Variants in OXR1 observed in about 807,000 individuals in gnomAD.
OXR1 encodes oxidation resistance 1, also known as oxidation resistance protein 1.
Under a neutral mutation model 104.6 loss-of-function variants are expected in OXR1, and 41 were observed. The ratio of observed to expected loss-of-function variants is 0.39; its 90% CI spans 0.31 to 0.51. The LOEUF (loss-of-function observed/expected upper bound fraction) is 0.51, where lower values mean the gene tolerates loss of function less well. Ranked by LOEUF, OXR1 falls within the 20% of genes least tolerant of loss-of-function variation. The probability of loss-of-function intolerance (pLI) is 0.77; values close to 1 mark genes in which losing one functional copy is unlikely to be tolerated. For missense variants in OXR1, 955 were observed against 1,031.9 expected, an observed-to-expected ratio of 0.93 and a Z score of 1.02; for synonymous variants, 348 against 348.4, an observed-to-expected ratio of 1.00 and a Z score of 0.01.
At chr8:106,357,867 T>G (rs1816045017) in intron 1 of OXR1, among the ~76,000 whole-genome samples, 1 of 151,986 alleles carries the variant, frequency 6.6e-6, no homozygotes, top group Non-Finnish European at 1.5e-5. Flanking sequence ...ACTTTGGGGG[T>G]CAAGGTCACC....
chr8:106,504,608 G>A (rs1259061196), intron 2 of OXR1, among the ~76,000 whole-genome samples: 8 of 152,110 alleles, frequency 5.3e-5, no homozygotes, highest in Non-Finnish European at 2.9e-5. Context: ...TTACATTACT[G>A]TCACTATAAC....
At chr8:106,329,743 T>G (rs1051736417) in intron 1 of OXR1, among the ~76,000 whole-genome samples, 1 of 152,176 alleles carries the variant, frequency 6.6e-6, no homozygotes, top group African/African-American at 2.4e-5. Context: ...AGCAGTCACA[T>G]GACAGTCTCA....
chr8:106,611,223 G>T (rs1020853239), intron 3 of OXR1, among the ~76,000 whole-genome samples: 1 of 152,198 alleles, frequency 6.6e-6, no homozygotes, highest in Non-Finnish European at 1.5e-5. Context: ...CTGGGGAAGA[G>T]CATTCTAAGA....
At chr8:106,308,675 G>A (rs1417939355) in intron 1 of OXR1, among the ~76,000 whole-genome samples, 1 of 151,882 alleles carries the variant, frequency 6.6e-6, no homozygotes, top group African/African-American at 2.4e-5. Flanking sequence ...TTACATGATC[G>A]CCTATTGATT....
intron 2 of OXR1, among the ~76,000 whole-genome samples, chr8:106,418,687 G>GA (rs1818781925): frequency 2.6e-5 from 4 of 151,654 alleles, no homozygotes; most frequent in Admixed American, 1.3e-4. Context: ...CAAGACAACT[G>GA]AAAAAAAATG....
chr8:106,339,387 G>A (rs576381762), intron 1 of OXR1, among the ~76,000 whole-genome samples: 21 of 149,322 alleles, frequency 1.4e-4, no homozygotes, highest in Admixed American at 1.1e-3. Flanking sequence ...CCCAGCTACT[G>A]GGGAGGCTGA....
chr8:106,551,811 T>TAC (rs1474953175), intron 3 of OXR1, among the ~76,000 whole-genome samples: 4 of 97,900 alleles, frequency 4.1e-5, no homozygotes, highest in South Asian at 3.0e-4. Flanking sequence ...TATATATATA[T>TAC]ATACACACAC....
At chr8:106,428,726 T>TGAG (rs1408387000) in intron 2 of OXR1, among the ~76,000 whole-genome samples, 1 of 152,040 alleles carries the variant, frequency 6.6e-6, no homozygotes, top group East Asian at 1.9e-4. Context: ...GGAGTGATGA[T>TGAG]GAGTATTGCA....
intron 3 of OXR1, among the ~76,000 whole-genome samples, chr8:106,557,547 CTACT>C (rs1263496344): frequency 1.6e-5 from 1 of 63,994 alleles, no homozygotes; most frequent in East Asian, 3.3e-4. Context: ...TTTTAGAATT[CTACT>C]TTTTTTTTTT....
chr8:106,524,921 T>C (rs1388473384), intron 3 of OXR1, among the ~76,000 whole-genome samples: 1 of 152,174 alleles, frequency 6.6e-6, no homozygotes, highest in Non-Finnish European at 1.5e-5. Flanking sequence ...CTCACCATCC[T>C]CCTCTGTTTT....
intron 2 of OXR1, among the ~76,000 whole-genome samples, chr8:106,474,009 TTA>T (rs1491397654): frequency 1.0e-5 from 1 of 97,826 alleles, no homozygotes; most frequent in East Asian, 3.1e-4. Context: ...TATTGTATAT[TTA>T]TACACACACA....
chr8:106,292,768 C>G lies in OXR1; in HGVS notation c.-139+22401C>G, dbSNP rs372883030. On this transcript the variant is annotated intron_variant, in intron 1 of 16. Coordinates refer to ENST00000517566, the MANE Select transcript of OXR1 (RefSeq NM_001198533.2). ...AGAGGATAAGAAGACAGGGAGGCAC[C>G]AGGAAAGGGAACTGAGAAGGAGCAG... Among the ~76,000 whole-genome samples, 18 of 152,170 alleles carry G rather than the reference C, an allele frequency of 1.2e-4. No homozygotes were observed. The East Asian group carries it at 3.3e-3, about 28-fold the overall frequency.
At chr8:106,595,746 G>A (rs866240062) in intron 3 of OXR1, among the ~76,000 whole-genome samples, 2 of 152,012 alleles carry the variant, frequency 1.3e-5, no homozygotes, top group Non-Finnish European at 2.9e-5. Context: ...TCATAGAGAT[G>A]CAGCATATCC....
intron 3 of OXR1, among the ~76,000 whole-genome samples, chr8:106,554,546 A>G (rs577359847): frequency 2.3e-4 from 35 of 152,344 alleles, no homozygotes; most frequent in African/African-American, 6.5e-4. Context: ...CGATAATTGC[A>G]CTATGGTTAG....
In OXR1 at chr8:106,284,540, A is replaced by T. The variant is rs553393410; in HGVS notation, c.-139+14173A>T. 7.9e-5 allele frequency among the ~76,000 whole-genome samples: 12 copies of T among 152,318 alleles called. No individual in the cohort carries two copies. In the East Asian group the frequency reaches 2.1e-3, roughly 27 times the overall value. ...CCAAGAGAACAGATAGTATTCAGCA[A>T]AATCAGCATGCCTAGCAACTTTTTA... is the stretch of plus-strand genomic sequence containing the variant. On this transcript the variant is annotated intron_variant, in intron 1 of 16. Coordinates refer to ENST00000517566, the MANE Select transcript of OXR1 (RefSeq NM_001198533.2).
At chr8:106,594,317 A>AC (rs1819349676) in intron 3 of OXR1, among the ~76,000 whole-genome samples, 1 of 151,956 alleles carries the variant, frequency 6.6e-6, no homozygotes, top group Non-Finnish European at 1.5e-5. Flanking sequence ...ATGTAAGAGG[A>AC]CCTCCTTGTC....
intron 6 of OXR1, among the ~76,000 whole-genome samples, chr8:106,691,392 G>A (rs909386839): frequency 1.3e-5 from 2 of 151,694 alleles, no homozygotes; most frequent in African/African-American, 4.8e-5. Flanking sequence ...GGTGAGGTCT[G>A]GTAATTCCTC....
intron 1 of OXR1, among the ~76,000 whole-genome samples, chr8:106,332,848 T>C (rs1306495628): frequency 3.3e-5 from 5 of 152,164 alleles, no homozygotes; most frequent in Admixed American, 3.3e-4. Context: ...ATCCTATCTC[T>C]ATGGATTTGT....
intron 2 of OXR1, among the ~76,000 whole-genome samples, chr8:106,431,330 G>A (rs1306838778): frequency 6.6e-6 from 1 of 152,112 alleles, no homozygotes; most frequent in Non-Finnish European, 1.5e-5. Context: ...GTTTTAAACT[G>A]GTGTGGATAA....
Sources: gnomAD v4.1 joint callset for allele counts (sites outside exome capture counted in the v4.1 genomes callset) on GRCh38, gnomAD v4.1.1 for gene constraint, MANE v1.5 for transcripts, NCBI Gene and HGNC (gene_info 2026-07-23, HGNC 2026-07-21) for gene names.